Variants in MED14 observed in about 807,000 individuals in gnomAD.
MED14 encodes mediator of RNA polymerase II transcription subunit 14.
In MED14, 8 loss-of-function variants were observed where a neutral mutation model predicts 109.0. The observed-to-expected ratio is 0.07, with a 90% CI of 0.04 to 0.13. The LOEUF (loss-of-function observed/expected upper bound fraction) is 0.13, where lower values mean the gene tolerates loss of function less well. Among genes scored for constraint, MED14 ranks in the 10% least tolerant of loss-of-function variants. The pLI is 1.00. For synonymous variants in MED14, 399 were observed against 408.7 expected, an observed-to-expected ratio of 0.98 and a Z score of 0.29; for missense variants, 711 against 1,142.4, an observed-to-expected ratio of 0.62 and a Z score of 5.44.
chrX:40,714,767 C>A, intron 3 of MED14, 57 bp from the exon 4 acceptor site: 2 of 1,015,597 alleles, frequency 2.0e-6, no homozygotes, highest in Non-Finnish European at 1.3e-6. Context: ...CCTTTTCACA[C>A]TAAATATTGT....
chrX:40,733,944 C>T (rs1602501325), intron 1 of MED14, among the ~76,000 whole-genome samples: 1 of 111,982 alleles, frequency 8.9e-6, no homozygotes, highest in African/African-American at 3.3e-5. Context: ...ACTTATTCTA[C>T]GGCAATAAAA....
chrX:40,693,155 C>A (rs142078867), intron 13 of MED14, among the ~76,000 whole-genome samples: 5,390 of 111,558 alleles, frequency 0.048, 142 homozygotes, highest in Non-Finnish European at 0.071. Flanking sequence ...GGCATTTAAA[C>A]TATTATGTAT....
At position 40,651,744 on chromosome X, in the gene MED14, C is replaced by G; in HGVS notation, c.*62G>C. 6 of 1,125,164 alleles carry G rather than the reference C, an allele frequency of 5.3e-6. No individual in the cohort carries two copies. In the South Asian group the frequency reaches 1.4e-4, roughly 26 times the overall value. The allele number at this position is 1,125,164 out of a possible 1,213,427, so 92.7% of individuals were successfully genotyped here. On this transcript the variant is annotated 3_prime_UTR_variant, in exon 31 of 31. Coordinates refer to ENST00000324817, the MANE Select transcript of MED14 (RefSeq NM_004229.4). ...TCCTTTTCCTTTTTTAAACTGAAGG[C>G]TGAATTCAGATTTTTTTTGTTGTCT...
intron 3 of MED14, among the ~76,000 whole-genome samples, chrX:40,717,963 T>C (rs1287107801): frequency 8.9e-6 from 1 of 112,306 alleles, no homozygotes; most frequent in African/African-American, 3.2e-5. Context: ...AATTTCTCAG[T>C]GTTTTCAAAC....
intron 21 of MED14, among the ~76,000 whole-genome samples, chrX:40,679,304 C>CA (rs762442880): frequency 4.1e-4 from 46 of 111,392 alleles, no homozygotes; most frequent in African/African-American, 1.3e-3. Context: ...GTCAGGAGTT[C>CA]AAGACCAGCC....
Position 40,677,540 on chromosome X carries a change from T to A in MED14, c.2881-2179A>T, listed in dbSNP as rs1464511005. 2.2e-3 allele frequency among the ~76,000 whole-genome samples: 250 copies of A among 111,682 alleles called. 1 individual carries two copies. The highest frequency in any genetic ancestry group is 4.1e-3 in the Non-Finnish European group (217 of 53,107). On this transcript the variant is annotated intron_variant, in intron 21 of 30. Transcript: ENST00000324817. The stretch of plus-strand genomic sequence containing the variant: ...TAATGTTGCCATATAATAGAATGTT[T>A]AAAATAAACATTTAGAAACAAAAAA...
chrX:40,702,363 T>TTC (rs1297899990), intron 11 of MED14, among the ~76,000 whole-genome samples: 9 of 106,262 alleles, frequency 8.5e-5, no homozygotes, highest in African/African-American at 3.1e-4. Flanking sequence ...TTTTTTTTTT[T>TTC]TGAGACGGAG....
At chrX:40,655,683 C>A (rs997775064) in intron 28 of MED14, among the ~76,000 whole-genome samples, 1 of 111,857 alleles carries the variant, frequency 8.9e-6, no homozygotes, top group African/African-American at 3.3e-5. Context: ...CTTTTTTAGC[C>A]ACATAAATAT....
intron 21 of MED14, among the ~76,000 whole-genome samples, chrX:40,675,567 T>C (rs1268136734): frequency 8.9e-6 from 1 of 112,165 alleles, no homozygotes; most frequent in Non-Finnish European, 1.9e-5. Flanking sequence ...AAAAGTCATA[T>C]TGACTAAGAA....
intron 15 of MED14, among the ~76,000 whole-genome samples, chrX:40,691,101 C>T: frequency 8.9e-6 from 1 of 112,151 alleles, no homozygotes; most frequent in Non-Finnish European, 1.9e-5. Context: ...GGCTACCCAT[C>T]CTTGGCCAAA....
intron 16 of MED14, among the ~76,000 whole-genome samples, chrX:40,684,505 A>G (rs1258154029): frequency 8.9e-6 from 1 of 112,439 alleles, no homozygotes; most frequent in African/African-American, 3.2e-5. Context: ...ACTGCCAGAA[A>G]GATTTTGTGC....
At chrX:40,723,667 G>GAAAAAAAAAAAAAAA (rs56676419) in intron 3 of MED14, among the ~76,000 whole-genome samples, 1 of 17,997 alleles carries the variant, frequency 5.6e-5, no homozygotes, top group Non-Finnish European at 8.7e-5. Flanking sequence ...CTCCGTCTCA[G>GAAAAAAAAAAAAAAA]AAAAAAAAAA....
intron 21 of MED14, among the ~76,000 whole-genome samples, chrX:40,676,189 T>A (rs1039455996): frequency 4.5e-5 from 5 of 111,380 alleles, no homozygotes; most frequent in African/African-American, 1.6e-4. Flanking sequence ...GAGGCTAAGA[T>A]GGGAGGACTG....
chrX:40,711,474 A>G (rs772372658), intron 7 of MED14, among the ~76,000 whole-genome samples, 173 bp from the exon 8 acceptor site: 3 of 112,174 alleles, frequency 2.7e-5, no homozygotes, highest in Non-Finnish European at 5.6e-5. Context: ...TATAATTTAT[A>G]GCATAATTTC....
intron 28 of MED14, among the ~76,000 whole-genome samples, chrX:40,658,057 G>C (rs1929121747): frequency 9.1e-6 from 1 of 109,416 alleles, no homozygotes; most frequent in Non-Finnish European, 1.9e-5. Context: ...GCCTTCCAAA[G>C]TGCTAGGATT....
At chrX:40,684,836 A>G (rs1223302268) in intron 16 of MED14, among the ~76,000 whole-genome samples, 1 of 112,380 alleles carries the variant, frequency 8.9e-6, no homozygotes, top group Non-Finnish European at 1.9e-5. Context: ...TCTTAGGGAC[A>G]GCGGAACCCT....
At position 40,673,803 on chromosome X, in the gene MED14, G is replaced by A. The variant is rs760718837; in HGVS notation, c.3021+1418C>T. ...GGAGGCTGTGGTGAGCTGAGATCAC[G>A]CCATTGCACTCCAGCCTGGGCAACA... On this transcript the variant is annotated intron_variant, in intron 22 of 30. Transcript: ENST00000324817. Among the ~76,000 whole-genome samples the A allele has an allele frequency of 4.8e-5, 5 of 104,214 alleles. No individual in the cohort carries two copies. In the South Asian group the frequency reaches 1.4e-3, roughly 28 times the overall value. The allele number at this position is 104,214 out of a possible 115,157, so 90.5% of individuals were successfully genotyped here. A position where few individuals can be genotyped will look rare whatever the true frequency, so the allele number is the denominator to read the frequency against.
At chrX:40,683,144 A>C in intron 16 of MED14, 148 bp from the exon 17 acceptor site, 2 of 432,152 alleles carry the variant, frequency 4.6e-6, no homozygotes, top group Non-Finnish European at 7.8e-6. Flanking sequence ...CACAGCAATT[A>C]ATAGTATTTA....
At chrX:40,670,811 C>T (rs1368043711) in intron 23 of MED14, among the ~76,000 whole-genome samples, 1 of 111,021 alleles carries the variant, frequency 9.0e-6, no homozygotes, top group Admixed American at 9.5e-5. Context: ...ACAGTATGCA[C>T]TGCAAATTCT....
Sources: gnomAD v4.1 joint callset for allele counts (sites outside exome capture counted in the v4.1 genomes callset) on GRCh38, gnomAD v4.1.1 for gene constraint, MANE v1.5 for transcripts, NCBI Gene and HGNC (gene_info 2026-07-23, HGNC 2026-07-21) for gene names.